The following SSH2 variants were observed in gnomAD, a reference collection of about 807,000 sequenced individuals.
The protein encoded by SSH2 is protein phosphatase Slingshot homolog 2.
SSH2 carries 37 observed loss-of-function variants against 135.2 expected under a neutral mutation model. The ratio of observed to expected loss-of-function variants is 0.27; its 90% CI spans 0.21 to 0.36. The LOEUF (loss-of-function observed/expected upper bound fraction) is 0.36. Ranked by LOEUF, SSH2 falls within the 10% of genes least tolerant of loss-of-function variation. SSH2 has a pLI of 1.00. For synonymous variants in SSH2, 628 were observed against 646.2 expected, an observed-to-expected ratio of 0.97 and a Z score of 0.43; for missense variants, 1,408 against 1,765.3, an observed-to-expected ratio of 0.80 and a Z score of 3.63.
intron 2 of SSH2, among the ~76,000 whole-genome samples, chr17:29,833,168 A>AAG (rs2042877664): frequency 6.6e-6 from 1 of 152,196 alleles, no homozygotes; most frequent in Non-Finnish European, 1.5e-5. Flanking sequence ...GATCTTTCCA[A>AAG]TATTGAAAGT....
In SSH2 at chr17:29,692,165, AT is replaced by A. The variant is rs1279047154; in HGVS notation, c.357+3293del. ...AAAAAAATAAATAAATAAATAAAAAATAAAAAAAAAAAAACAAGACTTTCAG... is the reference window on the plus strand; with the variant it reads ...AAAAAAATAAATAAATAAATAAAAAAAAAAAAAAAAAAACAAGACTTTCAG... On this transcript the variant is annotated intron_variant, in intron 5 of 15. Transcript: ENST00000540801. Among the ~76,000 whole-genome samples, 18 of 100,806 alleles carry A rather than the reference AT, an allele frequency of 1.8e-4. No individual in the cohort carries two copies. In the East Asian group the frequency reaches 1.9e-3, roughly 11 times the overall value. The allele number at this position is 100,806 out of a possible 152,430, so 66.1% of individuals were successfully genotyped here. A position where few individuals can be genotyped will look rare whatever the true frequency, so the allele number is the denominator to read the frequency against.
intron 2 of SSH2, among the ~76,000 whole-genome samples, chr17:29,800,848 T>A (rs1290009372): frequency 6.6e-6 from 1 of 151,398 alleles, no homozygotes; most frequent in Non-Finnish European, 1.5e-5. Context: ...TCAGGAACCA[T>A]TAAGTCTTTT....
chr17:29,836,170 A>G (rs544991699), intron 2 of SSH2, among the ~76,000 whole-genome samples: 78 of 152,234 alleles, frequency 5.1e-4, no homozygotes, highest in African/African-American at 1.8e-3. Context: ...TGGCATGGTG[A>G]GCATAGCCTT....
At chr17:29,779,022 T>G (rs778037411) in intron 3 of SSH2, among the ~76,000 whole-genome samples, 1 of 152,118 alleles carries the variant, frequency 6.6e-6, no homozygotes, top group Non-Finnish European at 1.5e-5. Context: ...TTGTTTTTCT[T>G]ATATCATGAA....
chr17:29,858,377 G>A (rs976225544), intron 1 of SSH2, among the ~76,000 whole-genome samples: 2 of 152,200 alleles, frequency 1.3e-5, no homozygotes, highest in Non-Finnish European at 2.9e-5. Context: ...GGATCTAGGG[G>A]AATGTTACAG....
At chr17:29,793,315 G>T (rs1486730442) in intron 3 of SSH2, among the ~76,000 whole-genome samples, 1 of 151,964 alleles carries the variant, frequency 6.6e-6, no homozygotes, top group East Asian at 1.9e-4. Flanking sequence ...TAAAAGATTA[G>T]GTAGGTTACT....
chr17:29,647,455 C>T (rs1270648793), intron 14 of SSH2, among the ~76,000 whole-genome samples: 1 of 151,354 alleles, frequency 6.6e-6, no homozygotes, highest in Non-Finnish European at 1.5e-5. Flanking sequence ...CACTGGTATC[C>T]ATTTTTTTTT....
At chr17:29,751,959 C>T (rs1201343752) in intron 3 of SSH2, among the ~76,000 whole-genome samples, 4 of 151,938 alleles carry the variant, frequency 2.6e-5, no homozygotes, top group African/African-American at 4.8e-5. Flanking sequence ...TTCACAAGAG[C>T]AACAAAAACC....
Position 29,832,791 on chromosome 17 carries a change from C to T in SSH2, c.144+16058G>A, listed in dbSNP as rs147918840. Among the ~76,000 whole-genome samples, 11 of 152,268 alleles carry T rather than the reference C, an allele frequency of 7.2e-5. No homozygotes were observed. In the East Asian group the frequency reaches 1.2e-3, roughly 16 times the overall value. ...AAGCGATCCTTGTGCCTCAGCCTCC[C>T]GAGCAGCTGGGATCACAGGTGTGCA... On this transcript the variant is annotated intron_variant, in intron 2 of 15. Transcript: ENST00000540801.
chr17:29,787,472 C>G (rs1006699458), intron 3 of SSH2: 1 of 152,094 alleles, frequency 6.6e-6, no homozygotes, highest in South Asian at 2.1e-4. Context: ...GCTTTCAATT[C>G]TTTTAGGTAT....
At chr17:29,910,171 C>T (rs1360445502) in intron 1 of SSH2, among the ~76,000 whole-genome samples, 1 of 152,038 alleles carries the variant, frequency 6.6e-6, no homozygotes, top group Non-Finnish European at 1.5e-5. Context: ...GTTTCAAATT[C>T]CTGGCCTGAA....
chr17:29,833,613 T>C (rs1364701002), intron 2 of SSH2, among the ~76,000 whole-genome samples: 4 of 152,134 alleles, frequency 2.6e-5, no homozygotes, highest in Admixed American at 2.6e-4. Context: ...GGACTTACTG[T>C]TGTCATTTTG....
At chr17:29,693,361 G>C (rs58606097) in intron 5 of SSH2, among the ~76,000 whole-genome samples, 60,647 of 151,792 alleles carry the variant, frequency 0.4, 14,599 homozygotes, top group East Asian at 0.69. Context: ...ATCCAGGTTG[G>C]AGTGTAATGG....
At chr17:29,802,696 G>A (rs1235976731) in intron 2 of SSH2, among the ~76,000 whole-genome samples, 4 of 151,622 alleles carry the variant, frequency 2.6e-5, no homozygotes, top group African/African-American at 9.7e-5. Flanking sequence ...CAAAAGAGCT[G>A]AAAACTGTAG....
intron 1 of SSH2, among the ~76,000 whole-genome samples, chr17:29,873,416 G>A (rs973427225): frequency 1.2e-4 from 18 of 151,954 alleles, no homozygotes; most frequent in Admixed American, 3.9e-4. Flanking sequence ...AAAACTAGCC[G>A]GGCATGGTGG....
rs1242506805 is a variant in SSH2, at chr17:29,716,624, T to A, written c.189-13562A>T. 7.4e-6 allele frequency: 5 copies of A among 675,066 alleles called. No individual in the cohort carries two copies. In the African/African-American group the frequency reaches 8.9e-5, roughly 12 times the overall value. 41.8% of individuals were successfully genotyped at this position (675,066 alleles called of 1,614,324 possible). On this transcript the variant is annotated intron_variant, in intron 3 of 15. Transcript: ENST00000540801. ...ATGCATGGCCAAAGGAACAACTCCA[T>A]CTTTTCTAAAAGACCTAGAGAACAT...
rs1443523938 is a variant in SSH2 at position 29,629,560 on chromosome 17, C to T, written c.*1281G>A. 6.6e-6 allele frequency: 1 copy of T among 152,624 alleles called. No homozygotes were observed. The highest frequency in any genetic ancestry group is 1.5e-5 in the Non-Finnish European group (1 of 68,030). The allele number at this position is 152,624 out of a possible 1,614,324, so 9.5% of individuals were successfully genotyped here. A position where few individuals can be genotyped will look rare whatever the true frequency, so the allele number is the denominator to read the frequency against. ...CACCCAACACTTTCATTTCTGGTGT[C>T]TGTGTTTTCCAGTTGCAACTCTACT... On this transcript the variant is annotated 3_prime_UTR_variant, in exon 16 of 16. Coordinates refer to ENST00000540801, the MANE Select transcript of SSH2 (RefSeq NM_001282129.2).
intron 4 of SSH2, among the ~76,000 whole-genome samples, chr17:29,696,878 GT>G (rs1411941634): frequency 8.6e-5 from 13 of 151,666 alleles, no homozygotes; most frequent in African/African-American, 3.1e-4. Context: ...TAGAGATGGG[GT>G]TTCACCGTGT....
chr17:29,900,843 G>A lies in SSH2; in HGVS notation c.63+29095C>T, dbSNP rs181995840. Among the ~76,000 whole-genome samples, 186 of 152,144 alleles carry A rather than the reference G, an allele frequency of 1.2e-3. 2 individuals carry two copies. The East Asian group carries it at 0.025, about 21-fold the overall frequency. Reference sequence around the variant, plus strand: ...ACACATGCACACGTATGTTCATTGCGGCACTATTCACAAAAGCAAAGACTT... The same window carrying A: ...ACACATGCACACGTATGTTCATTGCAGCACTATTCACAAAAGCAAAGACTT... On this transcript the variant is annotated intron_variant, in intron 1 of 15. Transcript: ENST00000540801.
Sources: gnomAD v4.1 joint callset for allele counts (sites outside exome capture counted in the v4.1 genomes callset) on GRCh38, gnomAD v4.1.1 for gene constraint, MANE v1.5 for transcripts, NCBI Gene and HGNC (gene_info 2026-07-23, HGNC 2026-07-21) for gene names.